KCNH8: variants seen among roughly 807,000 people sequenced by gnomAD.
KCNH8 encodes the protein voltage-gated delayed rectifier potassium channel KCNH8.
In KCNH8, 70 loss-of-function variants were observed where a neutral mutation model predicts 103.6. That is an observed-to-expected ratio of 0.68 (90% confidence interval 0.56 to 0.82). KCNH8 has a LOEUF of 0.82. Ranked by LOEUF, KCNH8 falls within the 40% of genes least tolerant of loss-of-function variation. The probability of loss-of-function intolerance (pLI) is 0.00; values close to 1 mark genes in which losing one functional copy is unlikely to be tolerated. For synonymous variants in KCNH8, 498 were observed against 489.4 expected (o/e 1.02, Z -0.23); for missense variants, 1,217 against 1,329.9 (o/e 0.92, Z 1.32).
chr3:19,438,113 A>C (rs376233612), intron 7 of KCNH8, 51 bp from the exon 8 acceptor site: 18 of 1,413,022 alleles, frequency 1.3e-5, no homozygotes, highest in Non-Finnish European at 1.7e-5. Flanking sequence ...ATGTGTTAAT[A>C]CTGAGACTTT....
chr3:19,148,517 G>A lies in KCNH8; in HGVS notation c.-203G>A, dbSNP rs573725632. The A allele has an allele frequency of 6.9e-5, 41 of 595,548 alleles. No homozygotes were observed. Among genetic ancestry groups the A allele is most frequent in the Non-Finnish European group, 2.1e-5 (7 of 332,722 alleles). 36.9% of individuals were successfully genotyped at this position (595,548 alleles called of 1,614,324 possible). The stretch of plus-strand genomic sequence containing the variant: ...GGGGCGGGCTCGGGGAGCGCTCTTG[G>A]GGCTCCTCCTGCCACAGCCGGGGCG... On this transcript the variant is annotated 5_prime_UTR_variant, in exon 1 of 16. Transcript: ENST00000328405.
intron 3 of KCNH8, among the ~76,000 whole-genome samples, chr3:19,294,356 A>G (rs2064968469): frequency 6.6e-6 from 1 of 152,224 alleles, no homozygotes; most frequent in Non-Finnish European, 1.5e-5. Flanking sequence ...CATTGTAGTA[A>G]TGTTCCTTTC....
chr3:19,374,014 G>A (rs1389614551), intron 5 of KCNH8, among the ~76,000 whole-genome samples: 3 of 152,258 alleles, frequency 2.0e-5, no homozygotes, highest in East Asian at 1.9e-4. Flanking sequence ...TTGCTGAGGA[G>A]TGCTTTACTT....
At chr3:19,491,585 AC>A (rs2068322850) in intron 11 of KCNH8, among the ~76,000 whole-genome samples, 1 of 152,088 alleles carries the variant, frequency 6.6e-6, no homozygotes, top group Non-Finnish European at 1.5e-5. Context: ...TATCCAATCC[AC>A]CACTGACGGT....
intron 2 of KCNH8, among the ~76,000 whole-genome samples, chr3:19,263,156 C>T (rs748314589): frequency 1.3e-5 from 2 of 152,008 alleles, no homozygotes; most frequent in Non-Finnish European, 2.9e-5. Flanking sequence ...ATTATAGGGA[C>T]ATTTCCTCTG....
Position 19,534,078 on chromosome 3 carries a change from T to C in KCNH8, c.3303T>C (p.Asp1101=), listed in dbSNP as rs1360793930. Residue 1101 remains aspartate, a synonymous_variant, in exon 16 of 16, where the codon GAT becomes GAC. Coordinates refer to ENST00000328405, the MANE Select transcript of KCNH8 (RefSeq NM_144633.3). The part of the protein sequence containing the change: ...EVVTSTAEVK[D]NKAINV ...TCACAAGCACAGCAGAAGTGAAAGA[T>C]AACAAAGCCATAAATGTATGATATT... The C allele has an allele frequency of 1.2e-6, 2 of 1,613,508 alleles. No homozygotes were observed. Among genetic ancestry groups the C allele is most frequent in the Admixed American group, 1.7e-5 (1 of 59,958 alleles).
intron 11 of KCNH8, among the ~76,000 whole-genome samples, chr3:19,474,835 T>C (rs1266315278): frequency 6.6e-6 from 1 of 152,222 alleles, no homozygotes; most frequent in East Asian, 1.9e-4. Flanking sequence ...TAATGAAGCA[T>C]ATTTATATCC....
At chr3:19,300,616 A>G (rs2125289124) in intron 3 of KCNH8, among the ~76,000 whole-genome samples, 1 of 152,274 alleles carries the variant, frequency 6.6e-6, no homozygotes, top group East Asian at 1.9e-4. Flanking sequence ...TTTTCAAGGT[A>G]TTTAAGAGCG....
At position 19,281,429 on chromosome 3, in the gene KCNH8, A is replaced by G. The variant is rs144161751; in HGVS notation, c.442+100A>G. ...AAAACATGCATTTTTAATAACAGCA[A>G]CTGATAAATATTCGTAACTGTTAGC... is the stretch of plus-strand genomic sequence containing the variant. On this transcript the variant is annotated intron_variant, in intron 3 of 15. Coordinates refer to ENST00000328405, the MANE Select transcript of KCNH8 (RefSeq NM_144633.3). 707 of 1,069,212 alleles carry G rather than the reference A, an allele frequency of 6.6e-4. 9 individuals carry two copies. In the African/African-American group the frequency reaches 1.0e-2, roughly 15 times the overall value. The allele number at this position is 1,069,212 out of a possible 1,614,324, so 66.2% of individuals were successfully genotyped here. A position where few individuals can be genotyped will look rare whatever the true frequency, so the allele number is the denominator to read the frequency against.
chr3:19,383,893 TTAAA>T (rs1439666143), intron 5 of KCNH8, among the ~76,000 whole-genome samples: 2 of 152,148 alleles, frequency 1.3e-5, no homozygotes, highest in Non-Finnish European at 2.9e-5. Flanking sequence ...TTAAGACTGA[TTAAA>T]TAAGGTTTTT....
At chr3:19,489,500 C>G (rs943329538) in intron 11 of KCNH8, among the ~76,000 whole-genome samples, 3 of 152,122 alleles carry the variant, frequency 2.0e-5, no homozygotes, top group African/African-American at 7.2e-5. Context: ...TTGTGCCACA[C>G]TTTTGAGAGA....
At chr3:19,361,136 T>C (rs2065941808) in intron 5 of KCNH8, among the ~76,000 whole-genome samples, 1 of 152,050 alleles carries the variant, frequency 6.6e-6, no homozygotes, top group African/African-American at 2.4e-5. Flanking sequence ...TGGAGTGAGA[T>C]AGTGATGAAA....
At chr3:19,211,738 C>T (rs75120054) in intron 1 of KCNH8, among the ~76,000 whole-genome samples, 6,184 of 152,180 alleles carry the variant, frequency 0.041, 440 homozygotes, top group African/African-American at 0.14. Flanking sequence ...TAAAATTGAT[C>T]TCAGATCGCA....
chr3:19,161,612 C>T (rs2063235096), intron 1 of KCNH8, among the ~76,000 whole-genome samples: 1 of 152,098 alleles, frequency 6.6e-6, no homozygotes, highest in Non-Finnish European at 1.5e-5. Context: ...AAAGTTCGTT[C>T]TGTAGGTGAA....
chr3:19,382,631 C>T (rs531799758), intron 5 of KCNH8, among the ~76,000 whole-genome samples: 29 of 152,184 alleles, frequency 1.9e-4, no homozygotes, highest in African/African-American at 6.3e-4. Flanking sequence ...CCCTGTTCGT[C>T]AGTTTTGAAG....
chr3:19,237,867 A>T (rs2064085797), intron 1 of KCNH8, among the ~76,000 whole-genome samples: 1 of 152,232 alleles, frequency 6.6e-6, no homozygotes, highest in Admixed American at 6.5e-5. Flanking sequence ...TTGCTTAAGA[A>T]AAAAATGCGA....
intron 5 of KCNH8, among the ~76,000 whole-genome samples, chr3:19,366,051 A>T (rs2066007104): frequency 6.6e-6 from 1 of 152,092 alleles, no homozygotes; most frequent in African/African-American, 2.4e-5. Context: ...TAAAAAAATT[A>T]CATTATCCTT....
At chr3:19,189,448 T>C (rs967194643) in intron 1 of KCNH8, among the ~76,000 whole-genome samples, 1 of 151,976 alleles carries the variant, frequency 6.6e-6, no homozygotes, top group African/African-American at 2.4e-5. Flanking sequence ...AATGGTTTCT[T>C]AAAATTTCTG....
intron 3 of KCNH8, among the ~76,000 whole-genome samples, chr3:19,328,966 A>T (rs2065468261): frequency 6.6e-6 from 1 of 152,214 alleles, no homozygotes; most frequent in Non-Finnish European, 1.5e-5. Flanking sequence ...ACCAAAGGAT[A>T]GTTCTTACCA....
Sources: gnomAD v4.1 joint callset for allele counts (sites outside exome capture counted in the v4.1 genomes callset) on GRCh38, gnomAD v4.1.1 for gene constraint, MANE v1.5 for transcripts, NCBI Gene and HGNC (gene_info 2026-07-23, HGNC 2026-07-21) for gene names.